GRID1: variants seen among roughly 807,000 people sequenced by gnomAD.
The protein encoded by GRID1 is glutamate receptor ionotropic, delta-1.
GRID1 carries 28 observed loss-of-function variants against 98.0 expected under a neutral mutation model. That is an observed-to-expected ratio of 0.29 (90% CI 0.21 to 0.39). GRID1 has a LOEUF of 0.39. Ranked by LOEUF, GRID1 falls within the 10% of genes least tolerant of loss-of-function variation. GRID1 has a pLI of 1.00. For synonymous variants in GRID1, 553 were observed against 538.5 expected (o/e 1.03, Z -0.37); for missense variants, 1,111 against 1,340.5 (o/e 0.83, Z 2.67).
At chr10:86,019,128 GAGAT>G (rs1843016820) in intron 4 of GRID1, among the ~76,000 whole-genome samples, 1 of 152,214 alleles carries the variant, frequency 6.6e-6, no homozygotes, top group African/African-American at 2.4e-5. Flanking sequence ...CAGAGGAAAA[GAGAT>G]AGGCAGCTTG....
chr10:86,075,689 C>T (rs893685635), intron 4 of GRID1, among the ~76,000 whole-genome samples: 15 of 152,162 alleles, frequency 9.9e-5, no homozygotes, highest in African/African-American at 3.6e-4. Flanking sequence ...GGATGGAGGG[C>T]TTGTATTGGA....
chr10:85,679,277 T>C (rs1038088521), intron 12 of GRID1, among the ~76,000 whole-genome samples: 1 of 152,238 alleles, frequency 6.6e-6, no homozygotes, highest in Non-Finnish European at 1.5e-5. Flanking sequence ...CTCTCTCATC[T>C]TCCTCTGCCA....
intron 4 of GRID1, among the ~76,000 whole-genome samples, chr10:86,071,052 T>C (rs982945535): frequency 2.0e-5 from 3 of 152,264 alleles, no homozygotes; most frequent in Non-Finnish European, 4.4e-5. Flanking sequence ...AACCCTCAGC[T>C]TATCTGCTTC....
intron 8 of GRID1, among the ~76,000 whole-genome samples, chr10:85,803,796 T>C (rs11593742): frequency 1.3e-5 from 2 of 152,148 alleles, no homozygotes; most frequent in Non-Finnish European, 2.9e-5. Flanking sequence ...TCAGAGTCAA[T>C]GGGGTATCCA....
chr10:86,271,220 T>C (rs991191673), intron 2 of GRID1, among the ~76,000 whole-genome samples: 1 of 152,136 alleles, frequency 6.6e-6, no homozygotes, highest in East Asian at 1.9e-4. Context: ...GGACATTGGG[T>C]AGAGTATGTA....
chr10:85,837,770 G>T (rs530436932), intron 8 of GRID1, among the ~76,000 whole-genome samples: 1 of 152,130 alleles, frequency 6.6e-6, no homozygotes, highest in Non-Finnish European at 1.5e-5. Context: ...CCAAATGACC[G>T]CATCATCTCT....
At chr10:86,122,193 C>G (rs1050677500) in intron 4 of GRID1, among the ~76,000 whole-genome samples, 1 of 152,226 alleles carries the variant, frequency 6.6e-6, no homozygotes, top group Non-Finnish European at 1.5e-5. Flanking sequence ...TAAGCAGGCA[C>G]TAGCTTCTTT....
In GRID1 at chr10:85,602,600, C is replaced by T. The variant is rs757629825; in HGVS notation, c.2703G>A (p.Ser901=). Residue 901 remains serine (S), a synonymous_variant, in exon 16 of 16, where the codon TCG becomes TCA. Coordinates refer to ENST00000327946, the MANE Select transcript of GRID1 (RefSeq NM_017551.3). The part of the protein sequence containing the change: ...KQISPASIEL[S]ALEMGGLAPT... Reference sequence around the variant, plus strand: ...GAGCCAGGCCCCCCATCTCCAGGGCCGAGAGCTCAATCGACGCTGGGGAAA... The same window carrying T: ...GAGCCAGGCCCCCCATCTCCAGGGCTGAGAGCTCAATCGACGCTGGGGAAA... 120 of 1,613,800 alleles carry T rather than the reference C, an allele frequency of 7.4e-5. 1 individual carries two copies. In the East Asian group the frequency reaches 7.6e-4, roughly 10 times the overall value.
At position 85,673,869 on chromosome 10, in the gene GRID1, G is replaced by A. The variant is rs183796748; in HGVS notation, c.1998-26472C>T. Among the ~76,000 whole-genome samples, 40 of 152,212 alleles carry A rather than the reference G, an allele frequency of 2.6e-4. No homozygotes were observed. In the East Asian group the frequency reaches 3.1e-3, roughly 12 times the overall value. On this transcript the variant is annotated intron_variant, in intron 12 of 15. Coordinates refer to ENST00000327946, the MANE Select transcript of GRID1 (RefSeq NM_017551.3). ...CATTTTTTTAACCTTAGGTTAAAAT[G>A]AGTTTGCTCATCTTTCACTTTTTCC... is the stretch of plus-strand genomic sequence containing the variant.
intron 2 of GRID1, among the ~76,000 whole-genome samples, chr10:86,232,371 C>T (rs1846469718): frequency 6.6e-6 from 1 of 152,322 alleles, no homozygotes; most frequent in East Asian, 1.9e-4. Flanking sequence ...CTCAGTTTTC[C>T]AGTCTCTATA....
At chr10:85,987,317 A>G (rs1589325760) in intron 4 of GRID1, among the ~76,000 whole-genome samples, 1 of 109,908 alleles carries the variant, frequency 9.1e-6, no homozygotes, top group Non-Finnish European at 1.9e-5. Context: ...CTCACCTCCC[A>G]CCTCCCACTC....
chr10:85,757,696 C>T (rs1027389480), intron 8 of GRID1, among the ~76,000 whole-genome samples: 2 of 152,170 alleles, frequency 1.3e-5, no homozygotes, highest in Non-Finnish European at 2.9e-5. Context: ...GGTGGTTGAG[C>T]TGAACCAGGT....
intron 8 of GRID1, among the ~76,000 whole-genome samples, chr10:85,771,976 T>C (rs1842273891): frequency 6.6e-6 from 1 of 152,162 alleles, no homozygotes; most frequent in South Asian, 2.1e-4. Context: ...GTGGACCTAA[T>C]AGACATCTAC....
At chr10:86,139,090 G>T in intron 3 of GRID1, 66 bp from the exon 4 acceptor site, 2 of 1,116,798 alleles carry the variant, frequency 1.8e-6, no homozygotes, top group Non-Finnish European at 2.7e-6. Flanking sequence ...CCGGGAGGGT[G>T]TCTAACTGCA....
At chr10:85,660,410 A>G (rs985475814) in intron 12 of GRID1, among the ~76,000 whole-genome samples, 6 of 152,242 alleles carry the variant, frequency 3.9e-5, no homozygotes, top group Non-Finnish European at 7.3e-5. Flanking sequence ...CACCATGGAA[A>G]GGTTGTTGGA....
At chr10:85,623,196 T>C (rs1842876444) in intron 13 of GRID1, among the ~76,000 whole-genome samples, 1 of 152,206 alleles carries the variant, frequency 6.6e-6, no homozygotes, top group Non-Finnish European at 1.5e-5. Flanking sequence ...AATTCATTTA[T>C]TTCCAGAACT....
chr10:85,630,352 A>G (rs1842961687), intron 13 of GRID1, among the ~76,000 whole-genome samples: 1 of 152,208 alleles, frequency 6.6e-6, no homozygotes, highest in South Asian at 2.1e-4. Flanking sequence ...ACAGGAAAAG[A>G]CAGTGTGGAA....
At chr10:85,841,725 A>C (rs1014159374) in intron 8 of GRID1, among the ~76,000 whole-genome samples, 3 of 152,182 alleles carry the variant, frequency 2.0e-5, no homozygotes, top group Non-Finnish European at 4.4e-5. Flanking sequence ...ATATGAAAAA[A>C]AGCTCAACAT....
chr10:85,617,234 C>A (rs113510769), intron 14 of GRID1, among the ~76,000 whole-genome samples: 22 of 142,200 alleles, frequency 1.5e-4, no homozygotes, highest in East Asian at 4.7e-4. Flanking sequence ...AGCCCCCCCC[C>A]CCTTTTATTT....
Sources: gnomAD v4.1 joint callset for allele counts (sites outside exome capture counted in the v4.1 genomes callset) on GRCh38, gnomAD v4.1.1 for gene constraint, MANE v1.5 for transcripts, NCBI Gene and HGNC (gene_info 2026-07-23, HGNC 2026-07-21) for gene names.